The following TUSC3 variants were observed in gnomAD, a reference collection of about 807,000 sequenced individuals.
The protein encoded by TUSC3 is tumor suppressor candidate 3, also known as dolichyl-diphosphooligosaccharide--protein glycosyltransferase subunit TUSC3.
Under a neutral mutation model 44.8 loss-of-function variants are expected in TUSC3, and 45 were observed. The observed-to-expected ratio is 1.00, with a 90% confidence interval of 0.79 to 1.29. TUSC3 has a LOEUF of 1.29. TUSC3 is among the 50% of genes most tolerant of loss of function. The probability of loss-of-function intolerance (pLI) is 0.00; values close to 1 mark genes in which losing one functional copy is unlikely to be tolerated. For missense variants in TUSC3, 519 were observed against 437.9 expected, an observed-to-expected ratio of 1.19 and a Z score of -1.65; for synonymous variants, 212 against 152.9, an observed-to-expected ratio of 1.39 and a Z score of -2.85.
intron 1 of TUSC3, among the ~76,000 whole-genome samples, chr8:15,478,995 C>G (rs1800622369): frequency 6.6e-6 from 1 of 152,080 alleles, no homozygotes. Context: ...GAGATGCTAT[C>G]TCATTTTGGT....
At chr8:15,559,351 C>T (rs1365552182) in intron 1 of TUSC3, among the ~76,000 whole-genome samples, 2 of 148,522 alleles carry the variant, frequency 1.3e-5, no homozygotes, top group Non-Finnish European at 3.0e-5. Context: ...AGTTTGATTG[C>T]ACTGTGGTCT....
chr8:15,655,470 A>AG (rs1414503750), intron 3 of TUSC3, among the ~76,000 whole-genome samples: 1 of 152,222 alleles, frequency 6.6e-6, no homozygotes, highest in East Asian at 1.9e-4. Context: ...GGAAAAATCA[A>AG]GGGGGAAGAG....
At chr8:15,770,596 G>T (rs76488018), downstream of TUSC3, among the ~76,000 whole-genome samples, 1,131 of 152,086 alleles carry the variant, frequency 7.4e-3, 12 homozygotes, top group African/African-American at 0.025. Flanking sequence ...TTCCGATGTT[G>T]AAAAATATGA....
the TUSC3 span, among the ~76,000 whole-genome samples, chr8:15,786,778 C>G: frequency 2.0e-5 from 3 of 151,066 alleles, no homozygotes; most frequent in Non-Finnish European, 2.9e-5. Flanking sequence ...CCTGTCTCTG[C>G]TAAAAATTAA....
At chr8:15,806,116 G>A in the TUSC3 span, 2 of 421,096 alleles carry the variant, frequency 4.7e-6, no homozygotes, top group Non-Finnish European at 9.3e-6. Flanking sequence ...CTTTGGAGGT[G>A]AAGGTAAACT....
chr8:15,800,614 AG>A, the TUSC3 span, among the ~76,000 whole-genome samples: 1 of 151,738 alleles, frequency 6.6e-6, no homozygotes, highest in South Asian at 2.1e-4. Flanking sequence ...ATTTTCTCCT[AG>A]GGATGAGCAG....
At chr8:15,602,673 T>C (rs1048216220) in intron 1 of TUSC3, among the ~76,000 whole-genome samples, 8 of 130,668 alleles carry the variant, frequency 6.1e-5, no homozygotes, top group African/African-American at 1.3e-4. Flanking sequence ...TATATGTGTG[T>C]GTGTGTGTGT....
chr8:15,769,645 C>T (rs1812407099), downstream of TUSC3, among the ~76,000 whole-genome samples: 1 of 152,234 alleles, frequency 6.6e-6, no homozygotes, highest in South Asian at 2.1e-4. Context: ...AACAGACAAC[C>T]TACAGAATGG....
chr8:15,728,042 T>A (rs1020904702), intron 6 of TUSC3, among the ~76,000 whole-genome samples: 12 of 152,162 alleles, frequency 7.9e-5, no homozygotes, highest in African/African-American at 2.9e-4. Context: ...ATGAAATAAG[T>A]CTCTAAGGAC....
At chr8:15,628,499 TAAGAGA>T (rs968166344) in intron 2 of TUSC3, among the ~76,000 whole-genome samples, 1 of 152,202 alleles carries the variant, frequency 6.6e-6, no homozygotes, top group African/African-American at 2.4e-5. Flanking sequence ...TTTGGATTTA[TAAGAGA>T]AAGAGATTGA....
At chr8:15,809,200 C>T in the TUSC3 span, among the ~76,000 whole-genome samples, 1 of 152,156 alleles carries the variant, frequency 6.6e-6, no homozygotes, top group Non-Finnish European at 1.5e-5. Context: ...CTGATGACTG[C>T]AGATATCTGG....
Position 15,766,483 on chromosome 8 carries a change from A to T in TUSC3, c.*2327A>T, listed in dbSNP as rs1206119906. The stretch of plus-strand genomic sequence containing the variant: ...TTCCAAACTGTCATAAAAATTGATT[A>T]TATGTTTAACAATTGTTTTTCTACT... On this transcript the variant is annotated 3_prime_UTR_variant, in exon 11 of 11. Transcript: ENST00000503731. 2.0e-5 allele frequency: 3 copies of T among 152,060 alleles called. No individual in the cohort carries two copies. Among genetic ancestry groups the T allele is most frequent in the South Asian group, 2.1e-4 (1 of 4,832 alleles). The allele number at this position is 152,060 out of a possible 1,614,324, so 9.4% of individuals were successfully genotyped here. A position where few individuals can be genotyped will look rare whatever the true frequency, so the allele number is the denominator to read the frequency against.
chr8:15,849,397 C>T, the TUSC3 span, among the ~76,000 whole-genome samples: 2 of 152,172 alleles, frequency 1.3e-5, no homozygotes, highest in African/African-American at 4.8e-5. Context: ...TTCTGAAAGA[C>T]ATATGCCTTT....
At chr8:15,721,503 G>A (rs983604381) in intron 6 of TUSC3, among the ~76,000 whole-genome samples, 10 of 151,810 alleles carry the variant, frequency 6.6e-5, no homozygotes, top group African/African-American at 1.9e-4. Flanking sequence ...TCATATATAC[G>A]TGATGTGACA....
At chr8:15,844,612 T>C in the TUSC3 span, among the ~76,000 whole-genome samples, 1 of 152,204 alleles carries the variant, frequency 6.6e-6, no homozygotes, top group South Asian at 2.1e-4. Flanking sequence ...ACAATGGCTG[T>C]ATATTAGTAT....
intron 6 of TUSC3, among the ~76,000 whole-genome samples, chr8:15,695,495 C>T (rs537442526): frequency 5.1e-4 from 77 of 152,206 alleles, no homozygotes; most frequent in Admixed American, 4.1e-3. Flanking sequence ...TCTTTATCAG[C>T]AGTGTGAAAA....
intron 1 of TUSC3, among the ~76,000 whole-genome samples, chr8:15,439,812 A>G (rs144580843): frequency 3.0e-4 from 45 of 152,256 alleles, no homozygotes; most frequent in African/African-American, 8.9e-4. Context: ...GCCTTGCACT[A>G]GTCTGTCACC....
At chr8:15,619,423 A>G (rs1161117503) in intron 1 of TUSC3, among the ~76,000 whole-genome samples, 1 of 152,186 alleles carries the variant, frequency 6.6e-6, no homozygotes, top group Non-Finnish European at 1.5e-5. Context: ...GCAGAAAGAA[A>G]ACAATTTAGA....
upstream of TUSC3, among the ~76,000 whole-genome samples, chr8:15,537,621 G>C (rs561560545): frequency 6.6e-6 from 1 of 152,298 alleles, no homozygotes; most frequent in African/African-American, 2.4e-5. Flanking sequence ...CAAAATGGGA[G>C]ACAGAAAACA....
Sources: gnomAD v4.1 joint callset for allele counts (sites outside exome capture counted in the v4.1 genomes callset) on GRCh38, gnomAD v4.1.1 for gene constraint, MANE v1.5 for transcripts, NCBI Gene and HGNC (gene_info 2026-07-23, HGNC 2026-07-21) for gene names.